The following ACSL1 variants were observed in gnomAD, a reference collection of about 807,000 sequenced individuals.
ACSL1 encodes acyl-CoA synthetase long chain family member 1.
A neutral mutation model predicts 98.4 loss-of-function variants in ACSL1; 41 were observed. The ratio of observed to expected loss-of-function variants is 0.42; its 90% confidence interval spans 0.32 to 0.54. ACSL1 has a LOEUF of 0.54. ACSL1 is among the 20% of genes least tolerant of loss of function. The pLI, the probability that ACSL1 is intolerant of heterozygous loss-of-function variation, is 0.13. For synonymous variants in ACSL1, 316 were observed against 322.7 expected (o/e 0.98, Z 0.22); for missense variants, 734 against 883.1 (o/e 0.83, Z 2.14).
intron 11 of ACSL1, 138 bp from the exon 12 acceptor site, chr4:184,768,588 TA>T (rs546750407): frequency 9.5e-5 from 122 of 1,280,618 alleles, no homozygotes; most frequent in South Asian, 2.4e-4. Context: ...ATAGGTAACT[TA>T]AAAAAAATGT....
chr4:184,762,064 T>G (rs1346978156), intron 17 of ACSL1, among the ~76,000 whole-genome samples: 8 of 147,002 alleles, frequency 5.4e-5, no homozygotes, highest in Admixed American at 5.4e-4. Context: ...GAGGTGGAGG[T>G]TGCAGTGAGC....
intron 1 of ACSL1, among the ~76,000 whole-genome samples, chr4:184,812,552 G>A (rs190024512): frequency 6.6e-6 from 1 of 152,102 alleles, no homozygotes; most frequent in Non-Finnish European, 1.5e-5. Context: ...GATGTAAAGG[G>A]GACATAAAAA....
chr4:184,794,283 T>A (rs779637568), intron 2 of ACSL1, among the ~76,000 whole-genome samples: 1 of 152,222 alleles, frequency 6.6e-6, no homozygotes, highest in South Asian at 2.1e-4. Flanking sequence ...GCAGACTACA[T>A]CTTTGATATA....
chr4:184,801,380 G>A (rs986032158), intron 2 of ACSL1, among the ~76,000 whole-genome samples: 6 of 152,150 alleles, frequency 3.9e-5, no homozygotes, highest in African/African-American at 1.4e-4. Flanking sequence ...CAGAATGAGG[G>A]TGGGAACTGG....
At position 184,766,668 on chromosome 4, in the gene ACSL1, A is replaced by G; in HGVS notation, c.1217T>C (p.Ile406Thr). 6.2e-7 allele frequency: 1 copy of G among 1,614,132 alleles called. No individual in the cohort carries two copies. Among genetic ancestry groups the G allele is most frequent in the Non-Finnish European group, 8.5e-7 (1 of 1,180,024 alleles). ...CCGGTCCCACAGGCTGTTGTTTCTGATGATGCCGCTGCGAAGCTCTGCTTC... is the reference window on the plus strand; with the variant it reads ...CCGGTCCCACAGGCTGTTGTTTCTGGTGATGCCGCTGCGAAGCTCTGCTTC... Reference protein sequence around the residue: ...RKEAELRSGIIRNNSLWDRLI... With the variant: ...RKEAELRSGITRNNSLWDRLI... Residue 406 changes from isoleucine to threonine, a missense_variant, in exon 13 of 21, where the codon ATC becomes ACC. Coordinates refer to ENST00000281455, the MANE Select transcript of ACSL1 (RefSeq NM_001995.5). This position sits in a 1 kb window ranked among gnomAD's most constrained non-coding sequence, Gnocchi z 4.8.
intron 7 of ACSL1, 64 bp downstream of exon 7, chr4:184,776,420 C>T (rs1333864805): frequency 1.4e-5 from 22 of 1,551,092 alleles, no homozygotes; most frequent in Non-Finnish European, 1.9e-5. Context: ...CACTGGATAG[C>T]ACGTGTGAGC....
intron 5 of ACSL1, 62 bp downstream of exon 5, chr4:184,780,270 G>T: frequency 7.2e-7 from 1 of 1,385,696 alleles, no homozygotes; most frequent in Non-Finnish European, 1.0e-6. Context: ...TCTAGCAGAA[G>T]TTAGGCTCTT....
chr4:184,773,786 G>A lies in ACSL1; in HGVS notation c.789+57C>T. On this transcript the variant is annotated intron_variant, in intron 8 of 20. Transcript: ENST00000281455. The surrounding 1 kb of genome is among the most constrained non-coding windows in gnomAD (Gnocchi z 4.3). ...GAGAACTATAAGCCACAAGGTACCA[G>A]GCTAGATATTGAAAACTACAAAGAG... is the stretch of plus-strand genomic sequence containing the variant. 1 of 1,613,546 alleles carries A rather than the reference G, an allele frequency of 6.2e-7. No individual in the cohort carries two copies. The highest frequency in any genetic ancestry group is 8.5e-7 in the Non-Finnish European group (1 of 1,179,678).
At position 184,770,387 on chromosome 4, in the gene ACSL1, T is replaced by C; in HGVS notation, c.993+12A>G. ...ACACAAACAAGCAAGGAAAACAAAA[T>C]TAAATGCCTACCTCTACAACTCTCT... is the stretch of plus-strand genomic sequence containing the variant. On this transcript the variant is annotated intron_variant, in intron 11 of 20. Coordinates refer to ENST00000281455, the MANE Select transcript of ACSL1 (RefSeq NM_001995.5). 2 of 1,612,780 alleles carry C rather than the reference T, an allele frequency of 1.2e-6. No individual in the cohort carries two copies. Among genetic ancestry groups the C allele is most frequent in the Non-Finnish European group, 1.7e-6 (2 of 1,179,396 alleles).
rs534485035 is a variant in ACSL1 at position 184,767,354 on chromosome 4, G to A, written c.1129-598C>T. On this transcript the variant is annotated intron_variant, in intron 12 of 20. Transcript: ENST00000281455. ...CCATACAGTGGAATACTATTTGGCC[G>A]TTAAAAGGAATGAAGTGCTAATACG... 5.9e-5 allele frequency among the ~76,000 whole-genome samples: 9 copies of A among 151,938 alleles called. No homozygotes were observed. In the South Asian group the frequency reaches 1.0e-3, roughly 18 times the overall value.
At chr4:184,758,111 G>A (rs1016352675) in intron 18 of ACSL1, 191 bp from the exon 19 acceptor site, 14 of 542,274 alleles carry the variant, frequency 2.6e-5, no homozygotes, top group South Asian at 5.6e-5. Flanking sequence ...TCTAAAATGT[G>A]GTAAGCATCA....
intron 3 of ACSL1, 84 bp downstream of exon 3, chr4:184,788,533 G>A (rs1166521241): frequency 9.1e-7 from 1 of 1,103,214 alleles, no homozygotes. Context: ...CGAAAGATAG[G>A]AGCAAATGTG....
intron 3 of ACSL1, among the ~76,000 whole-genome samples, chr4:184,786,418 GCA>G (rs61564967): frequency 0.098 from 13,566 of 138,776 alleles, 680 homozygotes; most frequent in African/African-American, 0.13. Context: ...TGGTGGCAAA[GCA>G]CACACACACA....
chr4:184,760,305 C>G, intron 18 of ACSL1, 52 bp downstream of exon 18: 1 of 1,595,418 alleles, frequency 6.3e-7, no homozygotes. Context: ...CCTGGAGTAC[C>G]AGGCAATGGC....
rs1330415291 is a variant in ACSL1, at chr4:184,766,809, CAA to C, written c.1129-55_1129-54del. The C allele has an allele frequency of 8.3e-6, 13 of 1,565,328 alleles. No homozygotes were observed. In the African/African-American group the frequency reaches 9.5e-5, roughly 11 times the overall value. On this transcript the variant is annotated intron_variant, in intron 12 of 20. Transcript: ENST00000281455. This position sits in a 1 kb window ranked among gnomAD's most constrained non-coding sequence, Gnocchi z 4.8. ...TCACACCTACTAGGATGGCCAGAGT[CAA>C]AGAGTGTGGAGAAATCAGAACCCTC...
chr4:184,808,896 C>G (rs1454172294), intron 1 of ACSL1, among the ~76,000 whole-genome samples: 1 of 152,222 alleles, frequency 6.6e-6, no homozygotes, highest in African/African-American at 2.4e-5. Flanking sequence ...ATCTCCCTGA[C>G]TGTGGTCACT....
chr4:184,798,462 T>C (rs1419184713), intron 2 of ACSL1: 1 of 161,766 alleles, frequency 6.2e-6, no homozygotes, highest in Non-Finnish European at 1.4e-5. Context: ...ACGGCTCTCA[T>C]AAGGAGAGGA....
chr4:184,816,003 C>A (rs755604827), intron 1 of ACSL1, among the ~76,000 whole-genome samples: 5 of 152,146 alleles, frequency 3.3e-5, no homozygotes, highest in African/African-American at 1.2e-4. Context: ...CACCTGTAGT[C>A]CCGGCTACTC....
chr4:184,767,524 G>A (rs188420432), intron 12 of ACSL1, among the ~76,000 whole-genome samples: 45 of 152,150 alleles, frequency 3.0e-4, no homozygotes, highest in Admixed American at 2.5e-3. Flanking sequence ...TAAAGAATAG[G>A]TAAGGGTTTC....
Sources: allele counts gnomAD v4.1 joint callset (sites outside exome capture counted in the v4.1 genomes callset), GRCh38; gene constraint gnomAD v4.1.1; non-coding constraint Gnocchi (gnomAD v3.1); transcripts MANE v1.5; gene names NCBI Gene and HGNC (gene_info 2026-07-23, HGNC 2026-07-21).